Variants in SPOCK3 observed in about 807,000 individuals in gnomAD.
The protein encoded by SPOCK3 is SPARC (osteonectin), cwcv and kazal like domains proteoglycan 3.
SPOCK3 carries 30 observed loss-of-function variants against 56.6 expected under a neutral mutation model. The ratio of observed to expected loss-of-function variants is 0.53; its 90% confidence interval spans 0.40 to 0.72. The LOEUF (loss-of-function observed/expected upper bound fraction) is 0.72, where lower values mean the gene tolerates loss of function less well. Among genes scored for constraint, SPOCK3 ranks in the 30% least tolerant of loss-of-function variants. The pLI is 0.00. For synonymous variants in SPOCK3, 196 were observed against 183.3 expected (o/e 1.07, Z -0.56); for missense variants, 527 against 530.0 (o/e 0.99, Z 0.06).
chr4:166,870,701 T>C (rs1361457779), intron 6 of SPOCK3, among the ~76,000 whole-genome samples: 1 of 152,080 alleles, frequency 6.6e-6, no homozygotes, highest in Non-Finnish European at 1.5e-5. Flanking sequence ...AAGAAGTGTT[T>C]AGAGGGAAAT....
chr4:167,057,365 G>T (rs1755016825), intron 3 of SPOCK3, among the ~76,000 whole-genome samples: 1 of 152,166 alleles, frequency 6.6e-6, no homozygotes, highest in Admixed American at 6.5e-5. Flanking sequence ...AGGCTAGGAA[G>T]AAACTGCATC....
At chr4:167,168,450 A>G (rs867141191) in intron 2 of SPOCK3, among the ~76,000 whole-genome samples, 1 of 152,156 alleles carries the variant, frequency 6.6e-6, no homozygotes, top group African/African-American at 2.4e-5. Context: ...GATATGGACA[A>G]TAAGGTCCAG....
chr4:167,030,642 C>T (rs1331160309), intron 3 of SPOCK3, among the ~76,000 whole-genome samples: 7 of 151,996 alleles, frequency 4.6e-5, no homozygotes, highest in Admixed American at 2.0e-4. Flanking sequence ...TTGTTGAGGA[C>T]TGGCTCAATT....
At chr4:166,890,928 G>A (rs1008464015) in intron 5 of SPOCK3, among the ~76,000 whole-genome samples, 15 of 151,842 alleles carry the variant, frequency 9.9e-5, no homozygotes, top group South Asian at 2.1e-4. Context: ...TTTATGAATC[G>A]GGGTACTCCT....
At chr4:166,983,315 A>C (rs1237857994) in intron 4 of SPOCK3, among the ~76,000 whole-genome samples, 1 of 152,092 alleles carries the variant, frequency 6.6e-6, no homozygotes, top group African/African-American at 2.4e-5. Context: ...TTTATATTTA[A>C]ATGAATATTA....
intron 5 of SPOCK3, among the ~76,000 whole-genome samples, chr4:166,911,905 T>A (rs1050207995): frequency 1.3e-5 from 2 of 152,172 alleles, no homozygotes; most frequent in African/African-American, 4.8e-5. Flanking sequence ...CTTTCTAAAA[T>A]ATATATTTTT....
rs1274244041 is a variant in SPOCK3, at chr4:166,955,535, TTAA to T, written c.351-42795_351-42793del. 6.7e-5 allele frequency among the ~76,000 whole-genome samples: 7 copies of T among 104,660 alleles called. No homozygotes were observed. The South Asian group carries it at 7.6e-4, about 11-fold the overall frequency. The allele number at this position is 104,660 out of a possible 152,430, so 68.7% of individuals were successfully genotyped here. On this transcript the variant is annotated intron_variant, in intron 4 of 10. Transcript: ENST00000357545. ...ATTAAATTATATTATATTATTAAAT[TTAA>T]TATTATTAAATTATATTATATTATT...
intron 2 of SPOCK3, among the ~76,000 whole-genome samples, chr4:167,077,589 C>A (rs1348748384): frequency 6.6e-6 from 1 of 151,766 alleles, no homozygotes; most frequent in East Asian, 1.9e-4. Flanking sequence ...ATTCTGCTTC[C>A]CTGTTCCTTC....
intron 3 of SPOCK3, among the ~76,000 whole-genome samples, chr4:167,014,836 G>A (rs985108953): frequency 6.6e-6 from 1 of 152,038 alleles, no homozygotes; most frequent in Non-Finnish European, 1.5e-5. Flanking sequence ...TGGAGATGGT[G>A]AGAGAAATGT....
chr4:167,042,347 T>TTAGAG (rs2150202945), intron 3 of SPOCK3, among the ~76,000 whole-genome samples: 1 of 152,286 alleles, frequency 6.6e-6, no homozygotes, highest in African/African-American at 2.4e-5. Flanking sequence ...GAATACTGAA[T>TTAGAG]TAGAGGAACA....
At chr4:167,109,903 G>A (rs146052469) in intron 2 of SPOCK3, among the ~76,000 whole-genome samples, 44 of 151,522 alleles carry the variant, frequency 2.9e-4, no homozygotes, top group Non-Finnish European at 5.0e-4. Flanking sequence ...ACCACCCCAC[G>A]CCCATGTCCT....
chr4:167,035,915 T>C (rs1304420751), intron 3 of SPOCK3, among the ~76,000 whole-genome samples: 1 of 152,114 alleles, frequency 6.6e-6, no homozygotes, highest in African/African-American at 2.4e-5. Context: ...TCTGTTCCAA[T>C]GTATTTCTGC....
chr4:167,136,304 G>A (rs1021114595), intron 2 of SPOCK3, among the ~76,000 whole-genome samples: 5 of 152,056 alleles, frequency 3.3e-5, no homozygotes, highest in Admixed American at 6.6e-5. Flanking sequence ...AAGATATGAC[G>A]CAAAGATTAA....
intron 2 of SPOCK3, among the ~76,000 whole-genome samples, chr4:167,073,802 T>G (rs1370236650): frequency 6.6e-6 from 1 of 151,946 alleles, no homozygotes; most frequent in African/African-American, 2.4e-5. Flanking sequence ...AGTGTTACAT[T>G]CATAGTTCAT....
rs912031791 is a variant in SPOCK3 at position 167,169,277 on chromosome 4, G to C, written c.189+64708C>G. On this transcript the variant is annotated intron_variant, in intron 2 of 10. Coordinates refer to ENST00000357545, the MANE Select transcript of SPOCK3 (RefSeq NM_001040159.2). ...ACTGACAGCTTGCAATGTGTGCTTG[G>C]AAAAGCCATGGACATTCAATGCCAG... Among the ~76,000 whole-genome samples, 7 of 152,282 alleles carry C rather than the reference G, an allele frequency of 4.6e-5. No individual in the cohort carries two copies. The East Asian group carries it at 1.4e-3, about 30-fold the overall frequency.
At chr4:166,792,600 T>A (rs1228064395) in intron 6 of SPOCK3, among the ~76,000 whole-genome samples, 1 of 152,154 alleles carries the variant, frequency 6.6e-6, no homozygotes, top group Admixed American at 6.5e-5. Flanking sequence ...AATACTTTTT[T>A]ATGCTGGGGT....
chr4:166,803,352 T>C (rs1033142630), intron 6 of SPOCK3, among the ~76,000 whole-genome samples: 10 of 152,180 alleles, frequency 6.6e-5, no homozygotes, highest in African/African-American at 2.4e-4. Flanking sequence ...ACTGAAGGCA[T>C]TTTGTTCAGA....
chr4:167,170,731 G>GA (rs1434745840), intron 2 of SPOCK3, among the ~76,000 whole-genome samples: 1 of 152,116 alleles, frequency 6.6e-6, no homozygotes, highest in Non-Finnish European at 1.5e-5. Context: ...AAGAAAACTT[G>GA]ATAAAGAAAA....
chr4:166,852,067 T>C (rs1240449633), intron 6 of SPOCK3, among the ~76,000 whole-genome samples: 2 of 150,602 alleles, frequency 1.3e-5, no homozygotes, highest in African/African-American at 4.9e-5. Context: ...AAACACCGCA[T>C]ATTCTCACTC....
Sources: gnomAD v4.1 joint callset for allele counts (sites outside exome capture counted in the v4.1 genomes callset) on GRCh38, gnomAD v4.1.1 for gene constraint, MANE v1.5 for transcripts, NCBI Gene and HGNC (gene_info 2026-07-23, HGNC 2026-07-21) for gene names.